PACRG: variants seen among roughly 807,000 people sequenced by gnomAD.
PACRG encodes parkin coregulated gene protein.
In PACRG, 29 loss-of-function variants were observed where a neutral mutation model predicts 29.7. That is an observed-to-expected ratio of 0.98 (90% confidence interval 0.73 to 1.33). PACRG has a LOEUF of 1.33. Among genes scored for constraint, PACRG ranks in the 40% most tolerant of loss-of-function variants. The pLI is 0.00. For synonymous variants in PACRG, 116 were observed against 118.7 expected (o/e 0.98, Z 0.15); for missense variants, 279 against 316.2 (o/e 0.88, Z 0.89).
intron 2 of PACRG, among the ~76,000 whole-genome samples, chr6:162,865,346 G>A (rs1792207391): frequency 6.6e-6 from 1 of 152,194 alleles, no homozygotes. Flanking sequence ...CACTGACTAT[G>A]ATAGTCTTGC....
chr6:162,860,699 G>A (rs1297575336), intron 2 of PACRG, among the ~76,000 whole-genome samples: 1 of 152,140 alleles, frequency 6.6e-6, no homozygotes, highest in East Asian at 1.9e-4. Context: ...TTGCCAATTT[G>A]TAAATTTTTA....
intron 2 of PACRG, among the ~76,000 whole-genome samples, chr6:162,903,459 G>C (rs927339837): frequency 3.3e-5 from 5 of 152,158 alleles, no homozygotes; most frequent in South Asian, 2.1e-4. Flanking sequence ...CCATGTGGCT[G>C]GGGAGGCCTC....
In PACRG at chr6:163,206,773, A is replaced by AGAGAAAAGAGAAAATGTTCTCTTTTTGTT. The variant is rs67781391; in HGVS notation, c.614-108053_614-108052insAGAAAAGAGAAAATGTTCTCTTTTTGTTG. Among the ~76,000 whole-genome samples the AGAGAAAAGAGAAAATGTTCTCTTTTTGTT allele has an allele frequency of 3.4e-4, 52 of 151,968 alleles. No homozygotes were observed. The East Asian group carries it at 8.7e-3, about 25-fold the overall frequency. On this transcript the variant is annotated intron_variant, in intron 4 of 4. Transcript: ENST00000366888. The stretch of plus-strand genomic sequence containing the variant: ...TCCCCTCACAGGGAATGGGGAGAAC[A>AGAGAAAAGAGAAAATGTTCTCTTTTTGTT]GTCTCTTAAGTTTCCCCAGAGAAGC...
intron 2 of PACRG, among the ~76,000 whole-genome samples, chr6:162,867,163 T>C (rs1234944884): frequency 2.6e-5 from 4 of 152,164 alleles, no homozygotes; most frequent in African/African-American, 9.7e-5. Flanking sequence ...CTGAGAAGTG[T>C]CACCTGAATG....
chr6:162,982,085 G>GT (rs1173348389), intron 2 of PACRG, among the ~76,000 whole-genome samples: 1 of 151,746 alleles, frequency 6.6e-6, no homozygotes, highest in Non-Finnish European at 1.5e-5. Context: ...GTGCATAAAG[G>GT]TGTCTACAGT....
At chr6:163,101,335 A>G (rs1815073251) in intron 4 of PACRG, 1 of 981,646 alleles carries the variant, frequency 1.0e-6, no homozygotes, top group Non-Finnish European at 1.2e-6. Context: ...TTTGACCTGC[A>G]TGCTAGTTGG....
At chr6:162,791,303 G>GTTTTTT (rs1272846363) in intron 1 of PACRG, among the ~76,000 whole-genome samples, 11 of 85,084 alleles carry the variant, frequency 1.3e-4, no homozygotes, top group African/African-American at 5.4e-4. Flanking sequence ...CTCCTAGTTT[G>GTTTTTT]TTTGTTTGTT....
chr6:163,218,585 C>T (rs1321612821), intron 4 of PACRG, among the ~76,000 whole-genome samples: 6 of 152,182 alleles, frequency 3.9e-5, no homozygotes, highest in African/African-American at 1.4e-4. Context: ...CCCCTGGCAG[C>T]CTTGGTGTTG....
chr6:162,978,880 A>C (rs1313237633), intron 2 of PACRG, among the ~76,000 whole-genome samples: 1 of 152,222 alleles, frequency 6.6e-6, no homozygotes, highest in Admixed American at 6.5e-5. Flanking sequence ...AACATTTTTA[A>C]GGGTGACTCA....
At chr6:162,884,353 T>A (rs1453849072) in intron 2 of PACRG, among the ~76,000 whole-genome samples, 5 of 152,198 alleles carry the variant, frequency 3.3e-5, no homozygotes, top group African/African-American at 9.7e-5. Context: ...AAAAAAATCC[T>A]TGTATAAGTG....
intron 4 of PACRG, among the ~76,000 whole-genome samples, chr6:163,249,448 T>C (rs916140143): frequency 2.0e-5 from 3 of 152,236 alleles, no homozygotes; most frequent in Admixed American, 6.5e-5. Context: ...GGCAAGTGCA[T>C]ATCACCAGTA....
chr6:162,789,504 A>C (rs1784769799), intron 1 of PACRG, among the ~76,000 whole-genome samples: 1 of 152,158 alleles, frequency 6.6e-6, no homozygotes, highest in Non-Finnish European at 1.5e-5. Context: ...ATCCACAATC[A>C]TGTTAACTTT....
chr6:162,994,980 G>A lies in PACRG; in HGVS notation c.292-67170G>A, dbSNP rs1396515773. Among the ~76,000 whole-genome samples the A allele has an allele frequency of 1.4e-4, 21 of 150,180 alleles. No homozygotes were observed. The East Asian group carries it at 2.2e-3, about 16-fold the overall frequency. ...TAACAGACAGCACCCTCAGCTGCAG[G>A]TCTGTTGGAATACCCTGCCGAGTGA... is the stretch of plus-strand genomic sequence containing the variant. On this transcript the variant is annotated intron_variant, in intron 2 of 4. Coordinates refer to ENST00000366888, the MANE Select transcript of PACRG (RefSeq NM_001080379.2).
At chr6:163,194,248 A>G (rs921449687) in intron 4 of PACRG, among the ~76,000 whole-genome samples, 1 of 152,092 alleles carries the variant, frequency 6.6e-6, no homozygotes, top group Non-Finnish European at 1.5e-5. Context: ...CTTTCTACAG[A>G]GGAGAGATTC....
At chr6:163,299,046 A>G (rs1436330922) in intron 4 of PACRG, among the ~76,000 whole-genome samples, 1 of 152,120 alleles carries the variant, frequency 6.6e-6, no homozygotes, top group Non-Finnish European at 1.5e-5. Flanking sequence ...TACCTGGCAT[A>G]TTACCGGACT....
intron 4 of PACRG, among the ~76,000 whole-genome samples, chr6:163,249,392 C>T (rs1423924370): frequency 6.6e-6 from 1 of 152,098 alleles, no homozygotes; most frequent in Non-Finnish European, 1.5e-5. Flanking sequence ...TGATTAAATT[C>T]ATTTGTTACA....
intron 4 of PACRG, among the ~76,000 whole-genome samples, chr6:163,209,288 G>A (rs1585334463): frequency 6.6e-6 from 1 of 152,350 alleles, no homozygotes; most frequent in Admixed American, 6.5e-5. Flanking sequence ...ACTAGCTGGA[G>A]TAGATCTAAG....
chr6:163,175,756 G>GAGT (rs1779319424), intron 4 of PACRG, among the ~76,000 whole-genome samples: 1 of 150,474 alleles, frequency 6.6e-6, no homozygotes, highest in Non-Finnish European at 1.5e-5. Flanking sequence ...GGAGGAGGAG[G>GAGT]AGGAGGAGGA....
chr6:162,872,586 T>G (rs933060463), intron 2 of PACRG, among the ~76,000 whole-genome samples: 14 of 152,156 alleles, frequency 9.2e-5, no homozygotes, highest in Non-Finnish European at 8.8e-5. Context: ...AAATTAGAAA[T>G]TAGAAACTTC....
Sources: allele counts gnomAD v4.1 joint callset (sites outside exome capture counted in the v4.1 genomes callset), GRCh38; gene constraint gnomAD v4.1.1; transcripts MANE v1.5; gene names NCBI Gene and HGNC (gene_info 2026-07-23, HGNC 2026-07-21).